Variants in ZNF446 observed in about 807,000 individuals in gnomAD.
ZNF446 encodes the protein zinc finger protein with KRAB and SCAN domains 20.
A neutral mutation model predicts 34.0 loss-of-function variants in ZNF446; 42 were observed. The observed-to-expected ratio is 1.23, with a 90% CI of 0.96 to 1.60. The LOEUF is 1.60. Among genes scored for constraint, ZNF446 ranks in the 40% most tolerant of loss-of-function variants. The pLI is 0.00. For synonymous variants in ZNF446, 315 were observed against 251.0 expected, an observed-to-expected ratio of 1.25 and a Z score of -2.41; for missense variants, 650 against 600.2, an observed-to-expected ratio of 1.08 and a Z score of -0.87.
At chr19:58,487,913 T>C in the ZNF446 span, among the ~76,000 whole-genome samples, 2 of 152,256 alleles carry the variant, frequency 1.3e-5, no homozygotes, top group African/African-American at 4.8e-5. Flanking sequence ...ACTAGGCTGA[T>C]AGACCAGAAA....
chr19:58,480,029 C>G lies in ZNF446; in HGVS notation c.802+10C>G, dbSNP rs2053124094. The G allele has an allele frequency of 1.3e-6, 2 of 1,575,226 alleles. No homozygotes were observed. The highest frequency in any genetic ancestry group is 1.3e-5 in the African/African-American group (1 of 74,146). Reference sequence around the variant, plus strand: ...AGAAGCCTGCGCTCGGGTGAGTGCCCCACACCATCCAGCCTGAATCACCCC... The same window carrying G: ...AGAAGCCTGCGCTCGGGTGAGTGCCGCACACCATCCAGCCTGAATCACCCC... On this transcript the variant is annotated intron_variant, in intron 6 of 6. Transcript: ENST00000594369. The surrounding 1 kb of genome is among the most constrained non-coding windows in gnomAD (Gnocchi z 7.2).
chr19:58,480,366 C>T lies in ZNF446; in HGVS notation c.993C>T (p.Pro331=), dbSNP rs371950811. 34 of 1,607,240 alleles carry T rather than the reference C, an allele frequency of 2.1e-5. No individual in the cohort carries two copies. The African/African-American group carries it at 4.4e-4, about 21-fold the overall frequency. Residue 331 remains proline, a synonymous_variant, in exon 7 of 7, where the codon CCC becomes CCT. Transcript: ENST00000594369. This position sits in a 1 kb window ranked among gnomAD's most constrained non-coding sequence, Gnocchi z 7.2. ...AGCCGGCTGCCACCCCCAGGAAGCC[C>T]TACACGTGCGAGCAGTGTGGCCGCG... The part of the protein sequence containing the change: ...RLEPAATPRK[P]YTCEQCGRGF...
In ZNF446 at chr19:58,480,437, C is replaced by T. The variant is rs371786406; in HGVS notation, c.1064C>T (p.Thr355Met). ...TTCGTCATCCACCACCGGACACACA[C>T]GAGTGGGCCAGGTGTGCAGTCCCCG... ...SVFVIHHRTH[T>M]SGPGVQSPGL... Residue 355 changes from threonine (T) to methionine (M), a missense_variant, in exon 7 of 7, where the codon ACG (threonine) becomes ATG (methionine). Transcript: ENST00000594369. This position sits in a 1 kb window ranked among gnomAD's most constrained non-coding sequence, Gnocchi z 7.2. The T allele has an allele frequency of 3.8e-5, 62 of 1,612,906 alleles. No homozygotes were observed. Among genetic ancestry groups the T allele is most frequent in the African/African-American group, 1.1e-4 (8 of 74,944 alleles).
chr19:58,483,023 G>C (rs922716093), downstream of ZNF446, among the ~76,000 whole-genome samples: 9 of 152,212 alleles, frequency 5.9e-5, no homozygotes, highest in Admixed American at 2.6e-4. Flanking sequence ...TCATGAAAAT[G>C]TTCCCTAATT....
chr19:58,487,026 T>C, the ZNF446 span, among the ~76,000 whole-genome samples: 70 of 149,590 alleles, frequency 4.7e-4, no homozygotes, highest in African/African-American at 1.4e-3. Flanking sequence ...GGTCTGACCT[T>C]GTGATCCGTC....
Position 58,477,840 on chromosome 19 carries a change from C to A in ZNF446, c.532+14C>A. The A allele has an allele frequency of 5.2e-6, 8 of 1,530,046 alleles. No homozygotes were observed. The highest frequency in any genetic ancestry group is 7.0e-6 in the Non-Finnish European group (8 of 1,141,614). The allele number at this position is 1,530,046 out of a possible 1,614,324, so 94.8% of individuals were successfully genotyped here. On this transcript the variant is annotated intron_variant, in intron 3 of 6. Transcript: ENST00000594369. The stretch of plus-strand genomic sequence containing the variant: ...GACAGGAAGTGGGTGAGGTTGGGGT[C>A]CCACCAGAGATGAGGGACTCCTGGA...
downstream of ZNF446, chr19:58,483,503 A>G (rs1423015433): frequency 6.6e-6 from 1 of 152,030 alleles, no homozygotes; most frequent in African/African-American, 2.4e-5. Context: ...TAATACTACT[A>G]CTAATTAGCC....
downstream of ZNF446, among the ~76,000 whole-genome samples, chr19:58,482,569 A>G (rs901189266): frequency 6.6e-6 from 1 of 152,198 alleles, no homozygotes; most frequent in African/African-American, 2.4e-5. Flanking sequence ...TGTTGAGGGT[A>G]GCTGCGACTG....
At position 58,479,703 on chromosome 19, in the gene ZNF446, A is replaced by C. The variant is rs760169224; in HGVS notation, c.688A>C (p.Lys230Gln). 3 of 1,613,530 alleles carry C rather than the reference A, an allele frequency of 1.9e-6. No homozygotes were observed. In the South Asian group the frequency reaches 3.3e-5, roughly 18 times the overall value. The change falls in exon 5 of 7, where the codon AAG becomes CAG. Residue 230 changes from lysine to glutamine, a missense_variant. Lys to Gln is a moderately conservative substitution (Grantham distance 53). Transcript: ENST00000594369. Reference sequence around the variant, plus strand: ...ACTGTACTGGGATGCGATGCTGGAGAAGTACGGCACAGTGGTCTCCCTGGG... The same window carrying C: ...ACTGTACTGGGATGCGATGCTGGAGCAGTACGGCACAGTGGTCTCCCTGGG... ...KELYWDAMLE[K>Q]YGTVVSLGLP...
chr19:58,477,033 C>G, intron 1 of ZNF446, 146 bp from the exon 2 acceptor site: 1 of 562,948 alleles, frequency 1.8e-6, no homozygotes, highest in Non-Finnish European at 3.1e-6. Context: ...TGTGACCCTC[C>G]TCCTTCCATG....
Position 58,479,628 on chromosome 19 carries a change from G to T in ZNF446, c.628-15G>T. On this transcript the variant is annotated splice_polypyrimidine_tract_variant and intron_variant, in intron 4 of 6. Coordinates refer to ENST00000594369, the MANE Select transcript of ZNF446 (RefSeq NM_017908.4). ...GGGGTGGAAAGACGCCTACAGTGAT[G>T]GGCCACATCCGCAGGAGGAGTGGGG... 1.2e-6 allele frequency: 2 copies of T among 1,613,102 alleles called. No homozygotes were observed. Among genetic ancestry groups the T allele is most frequent in the East Asian group, 4.5e-5 (2 of 44,864 alleles).
intron 3 of ZNF446, 125 bp from the exon 4 acceptor site, chr19:58,477,962 G>T: frequency 7.6e-7 from 1 of 1,316,382 alleles, no homozygotes; most frequent in East Asian, 2.5e-5. Flanking sequence ...GTCTGGGATG[G>T]GGACCTGGGA....
At chr19:58,487,398 TAATA>T in the ZNF446 span, among the ~76,000 whole-genome samples, 5 of 152,166 alleles carry the variant, frequency 3.3e-5, no homozygotes, top group East Asian at 9.6e-4. Flanking sequence ...CTGGCAAGTT[TAATA>T]AATCGAACTT....
Position 58,480,411 on chromosome 19 carries a change from G to A in ZNF446, c.1038G>A (p.Val346=), listed in dbSNP as rs769651712. 3.7e-6 allele frequency: 6 copies of A among 1,612,972 alleles called. No individual in the cohort carries two copies. The South Asian group carries it at 4.4e-5, about 12-fold the overall frequency. The change falls in exon 7 of 7, where the codon GTG becomes GTA. Residue 346 remains valine (V), a synonymous_variant. Coordinates refer to ENST00000594369, the MANE Select transcript of ZNF446 (RefSeq NM_017908.4). This position sits in a 1 kb window ranked among gnomAD's most constrained non-coding sequence, Gnocchi z 7.2. ...QCGRGFDWKS[V]FVIHHRTHTS... The stretch of plus-strand genomic sequence containing the variant: ...GCCGCGGCTTCGACTGGAAGTCAGT[G>A]TTCGTCATCCACCACCGGACACACA...
At chr19:58,479,593 G>T (rs1269306590) in intron 4 of ZNF446, 50 bp from the exon 5 acceptor site, 1 of 1,591,708 alleles carries the variant, frequency 6.3e-7, no homozygotes, top group South Asian at 1.1e-5. Context: ...GAACCAGACA[G>T]GGCAGGGAAG....
chr19:58,479,405 T>G, intron 4 of ZNF446: 1 of 531,146 alleles, frequency 1.9e-6, no homozygotes. Context: ...CTGCCAAACC[T>G]GCCCTCTGAG....
chr19:58,480,469 G>C lies in ZNF446; in HGVS notation c.1096G>C (p.Ala366Pro), dbSNP rs2053129577. Residue 366 changes from alanine (A) to proline (P), a missense_variant, in exon 7 of 7, where the codon GCC (alanine) becomes CCC (proline). Physicochemically the swap from Ala to Pro is conservative, Grantham distance 27 (BLOSUM62 -1). Transcript: ENST00000594369. This position sits in a 1 kb window ranked among gnomAD's most constrained non-coding sequence, Gnocchi z 7.2. ...SGPGVQSPGLATGESTEKPPQ... is the reference protein window; with the variant it reads ...SGPGVQSPGLPTGESTEKPPQ... The stretch of plus-strand genomic sequence containing the variant: ...GCCAGGTGTGCAGTCCCCGGGGCTA[G>C]CCACCGGGGAAAGCACAGAGAAGCC... The C allele has an allele frequency of 6.2e-7, 1 of 1,612,802 alleles. No homozygotes were observed. The highest frequency in any genetic ancestry group is 8.5e-7 in the Non-Finnish European group (1 of 1,179,940).
At position 58,477,176 on chromosome 19, in the gene ZNF446, T is replaced by C. The variant is rs1280438931; in HGVS notation, c.-40-3T>C. 1 of 1,480,576 alleles carries C rather than the reference T, an allele frequency of 6.8e-7. No homozygotes were observed. Among genetic ancestry groups the C allele is most frequent in the African/African-American group, 1.4e-5 (1 of 71,350 alleles). The allele number at this position is 1,480,576 out of a possible 1,614,324, so 91.7% of individuals were successfully genotyped here. A position where few individuals can be genotyped will look rare whatever the true frequency, so the allele number is the denominator to read the frequency against. ...TGACATTCCGACCCTTCCTTTTCTG[T>C]AGGCCCATCTTGACGATTCCAAGAC... On this transcript the variant is annotated splice_polypyrimidine_tract_variant and splice_region_variant and intron_variant, in intron 1 of 6. Transcript: ENST00000594369.
downstream of ZNF446, among the ~76,000 whole-genome samples, chr19:58,481,879 T>C (rs924331935): frequency 3.3e-5 from 5 of 152,142 alleles, no homozygotes; most frequent in South Asian, 4.1e-4. Flanking sequence ...CTGCAAGCTC[T>C]GCCTCCCGGG....
Sources: gnomAD v4.1 joint callset for allele counts (sites outside exome capture counted in the v4.1 genomes callset) on GRCh38, gnomAD v4.1.1 for gene constraint, Gnocchi (gnomAD v3.1) non-coding constraint, MANE v1.5 for transcripts, NCBI Gene and HGNC (gene_info 2026-07-23, HGNC 2026-07-21) for gene names.